The following DAAM1 variants were observed in gnomAD, a reference collection of about 807,000 sequenced individuals.
DAAM1 encodes the protein disheveled-associated activator of morphogenesis 1.
A neutral mutation model predicts 130.0 loss-of-function variants in DAAM1; 52 were observed. The observed-to-expected ratio is 0.40, with a 90% CI of 0.32 to 0.50. DAAM1 has a LOEUF of 0.50. Ranked by LOEUF, DAAM1 falls within the 20% of genes least tolerant of loss-of-function variation. The pLI is 0.61. For missense variants in DAAM1, 1,134 were observed against 1,303.8 expected (o/e 0.87, Z 2.01); for synonymous variants, 452 against 444.5 (o/e 1.02, Z -0.21).
intron 15 of DAAM1, among the ~76,000 whole-genome samples, chr14:59,335,755 G>A (rs550846498): frequency 4.6e-5 from 7 of 152,158 alleles, no homozygotes; most frequent in African/African-American, 1.2e-4. Context: ...AAAGAATAAC[G>A]GTGGTCTCAG....
At chr14:59,307,957 C>T (rs753270963) in intron 3 of DAAM1, among the ~76,000 whole-genome samples, 17 of 152,160 alleles carry the variant, frequency 1.1e-4, no homozygotes, top group Admixed American at 5.2e-4. Flanking sequence ...ATTTAGTTTA[C>T]GGCCAACTTT....
chr14:59,219,517 A>G (rs967851455), intron 1 of DAAM1, among the ~76,000 whole-genome samples: 4 of 151,750 alleles, frequency 2.6e-5, no homozygotes, highest in Admixed American at 2.6e-4. Flanking sequence ...CCTTTATATT[A>G]TTTATTCTGT....
intron 2 of DAAM1, among the ~76,000 whole-genome samples, chr14:59,273,106 T>C (rs1395453205): frequency 6.6e-6 from 1 of 152,224 alleles, no homozygotes. Context: ...CCTGTCTGCT[T>C]AGAGACAGTA....
chr14:59,308,227 C>A (rs1884445462), intron 3 of DAAM1, among the ~76,000 whole-genome samples: 1 of 151,922 alleles, frequency 6.6e-6, no homozygotes, highest in Non-Finnish European at 1.5e-5. Context: ...TAAAGTTATC[C>A]CTGCAATTAA....
intron 1 of DAAM1, among the ~76,000 whole-genome samples, chr14:59,234,013 G>C (rs1403001089): frequency 2.0e-5 from 3 of 152,032 alleles, no homozygotes; most frequent in South Asian, 2.1e-4. Context: ...TACCAGTACT[G>C]TGCTGTTTTG....
At chr14:59,231,611 T>G (rs1376964967) in intron 1 of DAAM1, among the ~76,000 whole-genome samples, 2 of 152,196 alleles carry the variant, frequency 1.3e-5, no homozygotes, top group African/African-American at 4.8e-5. Flanking sequence ...TACCATTCAT[T>G]ATCTGTGCAA....
At chr14:59,238,035 G>T (rs1391204262) in intron 1 of DAAM1, among the ~76,000 whole-genome samples, 1 of 152,118 alleles carries the variant, frequency 6.6e-6, no homozygotes, top group African/African-American at 2.4e-5. Context: ...AATGGCTCAG[G>T]TCATGGTAAA....
chr14:59,216,029 T>C (rs1888568176), intron 1 of DAAM1, among the ~76,000 whole-genome samples: 1 of 152,142 alleles, frequency 6.6e-6, no homozygotes, highest in East Asian at 1.9e-4. Flanking sequence ...GCAGACCCAG[T>C]CACTCTTCTT....
chr14:59,245,516 T>G (rs969132324), intron 1 of DAAM1, among the ~76,000 whole-genome samples: 2 of 152,350 alleles, frequency 1.3e-5, no homozygotes, highest in African/African-American at 4.8e-5. Flanking sequence ...TTTTAGTCTT[T>G]TATATAATAT....
chr14:59,338,453 C>G, intron 15 of DAAM1: 1 of 1,606,416 alleles, frequency 6.2e-7, no homozygotes, highest in Non-Finnish European at 8.5e-7. Context: ...TAATATAACT[C>G]CTTGGCTCAC....
chr14:59,213,048 C>T (rs1888475246), intron 1 of DAAM1, among the ~76,000 whole-genome samples: 2 of 152,202 alleles, frequency 1.3e-5, no homozygotes, highest in South Asian at 4.2e-4. Flanking sequence ...ACACACCACC[C>T]CCTCCCCAGG....
Position 59,315,358 on chromosome 14 carries a change from A to G in DAAM1, c.345+7A>G, listed in dbSNP as rs1396901084. On this transcript the variant is annotated splice_region_variant and intron_variant, in intron 4 of 24. Transcript: ENST00000360909. ...GCTCAATTCCATGGCTGCTGTAAGT[A>G]GACTTTTATGTTCTTTGACACACTG... The G allele has an allele frequency of 6.2e-7, 1 of 1,613,244 alleles. No homozygotes were observed. The highest frequency in any genetic ancestry group is 1.1e-5 in the South Asian group (1 of 91,056).
chr14:59,251,958 G>A (rs17095952), intron 1 of DAAM1, among the ~76,000 whole-genome samples: 4,226 of 152,270 alleles, frequency 0.028, 89 homozygotes, highest in African/African-American at 0.03. Context: ...TGGCCATGAT[G>A]CAAAGCTCAG....
chr14:59,218,499 A>G (rs1888662849), intron 1 of DAAM1, among the ~76,000 whole-genome samples: 1 of 152,246 alleles, frequency 6.6e-6, no homozygotes, highest in Non-Finnish European at 1.5e-5. Context: ...GTGAATATTC[A>G]GTAATAAGAC....
At chr14:59,326,449 A>T in intron 10 of DAAM1, 61 bp from the exon 11 acceptor site, 2 of 1,521,218 alleles carry the variant, frequency 1.3e-6, no homozygotes, top group Non-Finnish European at 1.8e-6. Context: ...CCATTGACAA[A>T]TATTCATCCT....
rs556556495 is a variant in DAAM1 at position 59,283,368 on chromosome 14, T to C, written c.184-7849T>C. ...AAAAATAATTACTTCACATATATAA[T>C]AGCTGTATGCCAAAATTCTAACATT... On this transcript the variant is annotated intron_variant, in intron 2 of 24. Coordinates refer to ENST00000360909, the MANE Select transcript of DAAM1 (RefSeq NM_001270520.2). Among the ~76,000 whole-genome samples, 7 of 152,338 alleles carry C rather than the reference T, an allele frequency of 4.6e-5. No homozygotes were observed. In the South Asian group the frequency reaches 1.2e-3, roughly 27 times the overall value.
intron 2 of DAAM1, among the ~76,000 whole-genome samples, chr14:59,273,578 A>G (rs1012204207): frequency 6.6e-6 from 1 of 152,206 alleles, no homozygotes; most frequent in Non-Finnish European, 1.5e-5. Flanking sequence ...GCTTTTGGCT[A>G]CAATTTAAAA....
At chr14:59,236,551 C>T (rs1164766674) in intron 1 of DAAM1, among the ~76,000 whole-genome samples, 1 of 152,084 alleles carries the variant, frequency 6.6e-6, no homozygotes, top group Admixed American at 6.6e-5. Flanking sequence ...ATTTTCAGTG[C>T]CATCTTCCCA....
rs1269128438 is a variant in DAAM1, at chr14:59,363,717, T to A, written c.2761T>A (p.Phe921Ile). The change falls in exon 23 of 25, where the codon TTC (phenylalanine) becomes ATC (isoleucine). Residue 921 changes from phenylalanine (F) to isoleucine (I), a missense_variant. By Grantham distance (21) the Phe-to-Ile change is conservative. Transcript: ENST00000360909. ...GDKFVSVVSQFITVASFSFSD... is the reference protein window; with the variant it reads ...GDKFVSVVSQIITVASFSFSD... ...TAAGTTTGTGTCTGTTGTCAGCCAG[T>A]TCATCACAGTAGCCAGCTTCAGCTT... 1.9e-6 allele frequency: 3 copies of A among 1,614,036 alleles called. No individual in the cohort carries two copies. The Admixed American group carries it at 5.0e-5, about 27-fold the overall frequency.
Sources: allele counts gnomAD v4.1 joint callset (sites outside exome capture counted in the v4.1 genomes callset), GRCh38; gene constraint gnomAD v4.1.1; transcripts MANE v1.5; gene names NCBI Gene and HGNC (gene_info 2026-07-23, HGNC 2026-07-21).